Variants in TMTC2 observed in about 807,000 individuals in gnomAD.
TMTC2 encodes the protein protein O-mannosyl-transferase TMTC2.
TMTC2 carries 43 observed loss-of-function variants against 82.4 expected under a neutral mutation model. That is an observed-to-expected ratio of 0.52 (90% CI 0.41 to 0.67). TMTC2 has a LOEUF of 0.67. Among genes scored for constraint, TMTC2 ranks in the 30% least tolerant of loss-of-function variants. The pLI is 0.00. For synonymous variants in TMTC2, 408 were observed against 381.9 expected, an observed-to-expected ratio of 1.07 and a Z score of -0.80; for missense variants, 919 against 1,012.4, an observed-to-expected ratio of 0.91 and a Z score of 1.25.
At chr12:82,754,339 T>A (rs1876180590) in intron 1 of TMTC2, among the ~76,000 whole-genome samples, 1 of 152,190 alleles carries the variant, frequency 6.6e-6, no homozygotes, top group Admixed American at 6.5e-5. Context: ...GCTTAGAAAC[T>A]TTGTGTTATA....
At chr12:82,941,218 C>T (rs549101097) in intron 4 of TMTC2, among the ~76,000 whole-genome samples, 3 of 152,084 alleles carry the variant, frequency 2.0e-5, no homozygotes, top group South Asian at 4.2e-4. Context: ...CACTGTGTTG[C>T]CAGGCTAGAT....
intron 1 of TMTC2, among the ~76,000 whole-genome samples, chr12:82,853,551 C>T (rs1871097934): frequency 1.3e-5 from 2 of 152,146 alleles, no homozygotes; most frequent in South Asian, 4.1e-4. Context: ...TAAATTCCAG[C>T]AGCTTTGAAC....
At chr12:82,769,022 G>C (rs183774863) in intron 1 of TMTC2, among the ~76,000 whole-genome samples, 37 of 151,688 alleles carry the variant, frequency 2.4e-4, no homozygotes, top group African/African-American at 8.2e-4. Flanking sequence ...AACACACACT[G>C]TCTGCAGGCA....
chr12:82,774,823 T>TTCTGCTCTCTCTCGTTTGCTGCCTG (rs1257526139), intron 1 of TMTC2, among the ~76,000 whole-genome samples: 1 of 151,886 alleles, frequency 6.6e-6, no homozygotes, highest in Non-Finnish European at 1.5e-5. Flanking sequence ...TGTTTATTAC[T>TTCTGCTCTCTCTCGTTTGCTGCCTG]TCTGCTCTCT....
At chr12:82,993,075 C>T (rs1316527116) in intron 8 of TMTC2, among the ~76,000 whole-genome samples, 2 of 152,094 alleles carry the variant, frequency 1.3e-5, no homozygotes, top group Non-Finnish European at 2.9e-5. Flanking sequence ...ACCTCTGCCT[C>T]CCGGATTCAG....
intron 1 of TMTC2, among the ~76,000 whole-genome samples, chr12:82,834,676 G>A (rs555236244): frequency 9.9e-5 from 15 of 152,220 alleles, no homozygotes; most frequent in South Asian, 4.2e-4. Flanking sequence ...CAAAGTGTCC[G>A]TGTCATCTTG....
chr12:82,806,467 G>A (rs1191886490), intron 1 of TMTC2, among the ~76,000 whole-genome samples: 1 of 152,028 alleles, frequency 6.6e-6, no homozygotes, highest in African/African-American at 2.4e-5. Flanking sequence ...TCTCCAGTGG[G>A]GATAGATACG....
At chr12:82,821,741 A>G (rs1461154477) in intron 1 of TMTC2, among the ~76,000 whole-genome samples, 1 of 151,940 alleles carries the variant, frequency 6.6e-6, no homozygotes, top group Non-Finnish European at 1.5e-5. Flanking sequence ...GGGCACGGTA[A>G]CACGTGCCTG....
At chr12:82,850,625 TGAGAA>T (rs1221469737) in intron 1 of TMTC2, among the ~76,000 whole-genome samples, 2 of 152,122 alleles carry the variant, frequency 1.3e-5, no homozygotes, top group Non-Finnish European at 2.9e-5. Flanking sequence ...AGAAAAGTAA[TGAGAA>T]GAGTAATGTG....
chr12:83,098,163 C>T (rs139835876), intron 11 of TMTC2, among the ~76,000 whole-genome samples: 3 of 152,280 alleles, frequency 2.0e-5, no homozygotes, highest in Non-Finnish European at 4.4e-5. Flanking sequence ...GTCCTACCCA[C>T]AGATGGGAAG....
intron 11 of TMTC2, among the ~76,000 whole-genome samples, chr12:83,121,424 T>C (rs761627348): frequency 6.6e-5 from 10 of 152,120 alleles, no homozygotes; most frequent in African/African-American, 9.7e-5. Context: ...GTTACCTCTT[T>C]TCTGGATCTA....
intron 9 of TMTC2, among the ~76,000 whole-genome samples, chr12:83,045,738 C>CAT (rs1882090553): frequency 6.6e-6 from 1 of 151,362 alleles, no homozygotes; most frequent in Non-Finnish European, 1.5e-5. Context: ...CACACACACA[C>CAT]ACACACACAC....
intron 11 of TMTC2, among the ~76,000 whole-genome samples, chr12:83,065,251 AT>A (rs1882876644): frequency 6.6e-6 from 1 of 151,688 alleles, no homozygotes; most frequent in South Asian, 2.1e-4. Flanking sequence ...GAATTTCTTT[AT>A]TTTTTCTATG....
intron 2 of TMTC2, among the ~76,000 whole-genome samples, chr12:82,881,705 A>G (rs1872830957): frequency 6.6e-6 from 1 of 152,278 alleles, no homozygotes; most frequent in African/African-American, 2.4e-5. Flanking sequence ...CTGTAAAGTT[A>G]GTATAATTTG....
chr12:82,973,916 T>G (rs1007682770), intron 7 of TMTC2, among the ~76,000 whole-genome samples: 1 of 152,240 alleles, frequency 6.6e-6, no homozygotes, highest in Non-Finnish European at 1.5e-5. Flanking sequence ...TTACATTAAT[T>G]CATCCTCCTG....
intron 11 of TMTC2, among the ~76,000 whole-genome samples, chr12:83,118,851 C>T (rs1251307470): frequency 1.3e-5 from 2 of 152,084 alleles, no homozygotes; most frequent in Admixed American, 6.5e-5. Context: ...TTGATCTGTT[C>T]AGGGTGTCTA....
intron 1 of TMTC2, among the ~76,000 whole-genome samples, chr12:82,730,355 A>C (rs1162641402): frequency 6.6e-6 from 1 of 151,936 alleles, no homozygotes; most frequent in Non-Finnish European, 1.5e-5. Flanking sequence ...TTATATAAAA[A>C]ACAACCACTT....
intron 4 of TMTC2, among the ~76,000 whole-genome samples, chr12:82,951,156 G>T (rs1164109044): frequency 1.3e-5 from 2 of 152,178 alleles, no homozygotes; most frequent in Non-Finnish European, 2.9e-5. Context: ...CTATGTAATA[G>T]AATCATGTGC....
At chr12:82,975,892 T>A (rs1878646159) in intron 7 of TMTC2, among the ~76,000 whole-genome samples, 1 of 27,370 alleles carries the variant, frequency 3.7e-5, no homozygotes, top group African/African-American at 7.5e-5. Flanking sequence ...GTATAAACTT[T>A]TTTTTAAAAA....
Sources: allele counts gnomAD v4.1 joint callset (sites outside exome capture counted in the v4.1 genomes callset), GRCh38; gene constraint gnomAD v4.1.1; transcripts MANE v1.5; gene names NCBI Gene and HGNC (gene_info 2026-07-23, HGNC 2026-07-21).